Variants in FMN1 observed in about 807,000 individuals in gnomAD.
FMN1 encodes formin 1.
FMN1 carries 110 observed loss-of-function variants against 132.4 expected under a neutral mutation model. The observed-to-expected ratio is 0.83, with a 90% CI of 0.71 to 0.97. FMN1 has a LOEUF of 0.97. FMN1 is among the 50% of genes least tolerant of loss of function. The pLI, the probability that FMN1 is intolerant of heterozygous loss-of-function variation, is 0.00. For synonymous variants in FMN1, 722 were observed against 651.7 expected, an observed-to-expected ratio of 1.11 and a Z score of -1.64; for missense variants, 1,792 against 1,705.3, an observed-to-expected ratio of 1.05 and a Z score of -0.90.
At position 32,933,128 on chromosome 15, in the gene FMN1, T is replaced by A. The variant is rs184038888; in HGVS notation, c.3139-6867A>T. ...ATAGGTGTTCACCCTAAAACCTTACTCTTAGTACTGCTTTTATTGCATCCC... is the reference window on the plus strand; with the variant it reads ...ATAGGTGTTCACCCTAAAACCTTACACTTAGTACTGCTTTTATTGCATCCC... On this transcript the variant is annotated intron_variant, in intron 9 of 20. Coordinates refer to ENST00000616417, the MANE Select transcript of FMN1 (RefSeq NM_001277313.2). Among the ~76,000 whole-genome samples, 3 of 152,334 alleles carry A rather than the reference T, an allele frequency of 2.0e-5. No homozygotes were observed. In the East Asian group the frequency reaches 5.8e-4, roughly 29 times the overall value.
At chr15:33,096,118 G>A (rs1009882819) in intron 4 of FMN1, among the ~76,000 whole-genome samples, 1 of 151,896 alleles carries the variant, frequency 6.6e-6, no homozygotes, top group African/African-American at 2.4e-5. Flanking sequence ...GAGAATGAAA[G>A]GACATTCTTT....
intron 10 of FMN1, among the ~76,000 whole-genome samples, chr15:32,912,741 A>G (rs1005151794): frequency 2.8e-5 from 4 of 145,116 alleles, no homozygotes; most frequent in African/African-American, 8.0e-5. Context: ...CAAGGTATAG[A>G]AAAAAAAAAA....
At chr15:33,034,283 C>T (rs2141083657) in intron 6 of FMN1, among the ~76,000 whole-genome samples, 1 of 152,286 alleles carries the variant, frequency 6.6e-6, no homozygotes, top group South Asian at 2.1e-4. Context: ...ATGGCAATTC[C>T]ATGCTTCTAT....
At chr15:32,815,703 C>A (rs2058040122) in intron 17 of FMN1, among the ~76,000 whole-genome samples, 1 of 152,174 alleles carries the variant, frequency 6.6e-6, no homozygotes, top group Admixed American at 6.5e-5. Flanking sequence ...CAACTAAGAT[C>A]CAAGGACAGT....
At position 32,798,896 on chromosome 15, in the gene FMN1, G is replaced by C. The variant is rs200430335; in HGVS notation, c.4038C>G (p.Ile1346Met). ...GMKPKSGEKE[I>M]TPSYVFMVWY... Reference sequence around the variant, plus strand: ...ACACCATAAACACGTAGCTGGGTGTGATCTCCTTCTCACCAGACTTTGGCT... The same window carrying C: ...ACACCATAAACACGTAGCTGGGTGTCATCTCCTTCTCACCAGACTTTGGCT... Residue 1346 changes from isoleucine (I) to methionine (M), a missense_variant, in exon 19 of 21, where the codon ATC (isoleucine) becomes ATG (methionine). Physicochemically the swap from Ile to Met is conservative, Grantham distance 10. This residue lies in a region of FMN1 where 1,150 missense variants were observed against 1,043.1 expected (regional missense o/e 1.10). Transcript: ENST00000616417. 1.8e-4 allele frequency: 288 copies of C among 1,613,152 alleles called. No homozygotes were observed. The highest frequency in any genetic ancestry group is 1.5e-4 in the Non-Finnish European group (182 of 1,179,602).
intron 17 of FMN1, among the ~76,000 whole-genome samples, chr15:32,832,514 T>C (rs971544743): frequency 2.0e-5 from 3 of 152,216 alleles, no homozygotes; most frequent in African/African-American, 7.2e-5. Context: ...GTGCGGTGGC[T>C]CACACCTGTA....
chr15:32,777,789 ATATATTATGTATAATATAATACATTTAT>A (rs2056500557), intron 19 of FMN1, among the ~76,000 whole-genome samples: 2 of 116,464 alleles, frequency 1.7e-5, no homozygotes, highest in African/African-American at 3.6e-5. Flanking sequence ...TAATACATTT[ATATATTATGTATAATATAATACATTTAT>A]TTATATATTA....
chr15:32,963,697 T>C (rs943619268), intron 9 of FMN1, among the ~76,000 whole-genome samples: 2 of 152,230 alleles, frequency 1.3e-5, no homozygotes, highest in Admixed American at 1.3e-4. Context: ...CCATATAACC[T>C]GTAGACTACT....
At chr15:33,114,767 A>T (rs2039848553) in intron 4 of FMN1, among the ~76,000 whole-genome samples, 1 of 152,182 alleles carries the variant, frequency 6.6e-6, no homozygotes, top group Non-Finnish European at 1.5e-5. Flanking sequence ...GCCCCAAAAC[A>T]ACTACAGAAC....
At chr15:32,843,434 C>T (rs780066569) in intron 17 of FMN1, among the ~76,000 whole-genome samples, 7 of 152,112 alleles carry the variant, frequency 4.6e-5, no homozygotes, top group South Asian at 2.1e-4. Context: ...AAGAAAGCAA[C>T]GATCACGCAC....
chr15:32,785,972 G>A (rs1184034457), intron 19 of FMN1, among the ~76,000 whole-genome samples: 6 of 152,128 alleles, frequency 3.9e-5, no homozygotes, highest in Admixed American at 1.3e-4. Flanking sequence ...AATATCACTC[G>A]TTGCTAAAGA....
At chr15:33,020,450 C>T (rs570419782) in intron 6 of FMN1, among the ~76,000 whole-genome samples, 1 of 152,018 alleles carries the variant, frequency 6.6e-6, no homozygotes, top group South Asian at 2.1e-4. Flanking sequence ...GAGCTCCAGA[C>T]CAGCCTGACC....
At chr15:32,888,903 G>A (rs1369257596) in intron 15 of FMN1, among the ~76,000 whole-genome samples, 1 of 147,280 alleles carries the variant, frequency 6.8e-6, no homozygotes, top group African/African-American at 2.5e-5. Context: ...TTGTCACCCA[G>A]GCTTGAGTGC....
At position 32,856,468 on chromosome 15, in the gene FMN1, A is replaced by G. The variant is rs2059133361; in HGVS notation, c.3928+547T>C. Among the ~76,000 whole-genome samples, 4 of 152,362 alleles carry G rather than the reference A, an allele frequency of 2.6e-5. 1 individual carries two copies. The highest frequency in any genetic ancestry group is 2.6e-4 in the Admixed American group (4 of 15,310). On this transcript the variant is annotated intron_variant, in intron 17 of 20. Transcript: ENST00000616417. ...TCAAAGAAAGTGTGGAGTCTCATGC[A>G]TACCAGCACATCACTTTCACTGACT...
intron 10 of FMN1, among the ~76,000 whole-genome samples, chr15:32,921,158 G>A (rs902769344): frequency 8.5e-5 from 13 of 152,178 alleles, no homozygotes; most frequent in African/African-American, 2.7e-4. Flanking sequence ...CTGTATTAGG[G>A]TGGGAGGACC....
At chr15:33,088,360 C>A (rs1398422559) in intron 5 of FMN1, among the ~76,000 whole-genome samples, 1 of 152,172 alleles carries the variant, frequency 6.6e-6, no homozygotes, top group African/African-American at 2.4e-5. Flanking sequence ...GTTATTTGAG[C>A]AGCTGGAGAG....
intron 16 of FMN1, among the ~76,000 whole-genome samples, chr15:32,884,132 T>C (rs2059838755): frequency 6.6e-6 from 1 of 152,218 alleles, no homozygotes; most frequent in South Asian, 2.1e-4. Flanking sequence ...AGTTTCTGAT[T>C]GCTACTATAA....
chr15:33,031,748 GAAATT>G (rs1254411563), intron 6 of FMN1, among the ~76,000 whole-genome samples: 19 of 152,290 alleles, frequency 1.2e-4, no homozygotes, highest in African/African-American at 4.3e-4. Flanking sequence ...CCAGGCTCAT[GAAATT>G]CACATATTCC....
chr15:33,119,758 T>A (rs940790570), intron 4 of FMN1, among the ~76,000 whole-genome samples: 1 of 152,220 alleles, frequency 6.6e-6, no homozygotes, highest in Non-Finnish European at 1.5e-5. Flanking sequence ...GTTTGTACTA[T>A]ATTCGTCTTT....
Sources: allele counts gnomAD v4.1 joint callset (sites outside exome capture counted in the v4.1 genomes callset), GRCh38; gene constraint gnomAD v4.1.1; regional missense constraint gnomAD v4.1.1; transcripts MANE v1.5; gene names NCBI Gene and HGNC (gene_info 2026-07-23, HGNC 2026-07-21).